C1orf94: variants seen among roughly 807,000 people sequenced by gnomAD.
C1orf94 encodes the protein chromosome 1 open reading frame 94, also known as uncharacterized protein C1orf94.
A neutral mutation model predicts 53.6 loss-of-function variants in C1orf94; 45 were observed. That is an observed-to-expected ratio of 0.84 (90% CI 0.66 to 1.08). The LOEUF (loss-of-function observed/expected upper bound fraction) is 1.08, where lower values mean the gene tolerates loss of function less well. Among genes scored for constraint, C1orf94 ranks in the 50% least tolerant of loss-of-function variants. The pLI, the probability that C1orf94 is intolerant of heterozygous loss-of-function variation, is 0.00. For missense variants in C1orf94, 762 were observed against 738.9 expected, an observed-to-expected ratio of 1.03 and a Z score of -0.36; for synonymous variants, 304 against 296.1, an observed-to-expected ratio of 1.03 and a Z score of -0.27.
At chr1:34,196,750 G>A (rs935301333) in intron 1 of C1orf94, among the ~76,000 whole-genome samples, 1 of 152,294 alleles carries the variant, frequency 6.6e-6, no homozygotes, top group Non-Finnish European at 1.5e-5. Context: ...TCTGCAGTGA[G>A]GTGATGGGGG....
intron 1 of C1orf94, among the ~76,000 whole-genome samples, chr1:34,181,369 C>A (rs1288311675): frequency 6.6e-6 from 1 of 152,188 alleles, no homozygotes; most frequent in Non-Finnish European, 1.5e-5. Flanking sequence ...CCAATCCATG[C>A]AGATTTGATC....
intron 4 of C1orf94, among the ~76,000 whole-genome samples, chr1:34,203,954 C>T (rs550549648): frequency 4.1e-4 from 63 of 152,310 alleles, no homozygotes; most frequent in Non-Finnish European, 7.8e-4. Flanking sequence ...AGATTTCTGT[C>T]TTCTGTTCCT....
rs1007370319 is a variant in C1orf94, at chr1:34,168,939, G to T, written c.-251+1768G>T. 2.6e-5 allele frequency among the ~76,000 whole-genome samples: 4 copies of T among 152,358 alleles called. No homozygotes were observed. The South Asian group carries it at 6.2e-4, about 24-fold the overall frequency. ...TATAACAGGAGGAGATGACTTTTCA[G>T]ATGGAGGGAGGAGAGAGATGCTTGA... is the stretch of plus-strand genomic sequence containing the variant. On this transcript the variant is annotated intron_variant, in intron 1 of 6. Coordinates refer to the C1orf94 transcript ENST00000373374.
At chr1:34,169,047 G>C (rs1642096135) in intron 1 of C1orf94, among the ~76,000 whole-genome samples, 1 of 152,180 alleles carries the variant, frequency 6.6e-6, no homozygotes, top group South Asian at 2.1e-4. Flanking sequence ...AAAGTAGACA[G>C]CTCTGAATAT....
chr1:34,187,362 C>CCCTTCCA (rs1642399374), intron 1 of C1orf94, among the ~76,000 whole-genome samples: 1 of 152,104 alleles, frequency 6.6e-6, no homozygotes, highest in East Asian at 1.9e-4. Flanking sequence ...TTCCGAATAG[C>CCCTTCCA]CCTTCCACGT....
chr1:34,193,606 G>A (rs1279987729), intron 1 of C1orf94, among the ~76,000 whole-genome samples: 1 of 152,220 alleles, frequency 6.6e-6, no homozygotes, highest in African/African-American at 2.4e-5. Flanking sequence ...ACCCAGCCAA[G>A]TCCCTACATC....
intron 1 of C1orf94, among the ~76,000 whole-genome samples, chr1:34,190,804 G>T (rs1642469455): frequency 6.6e-6 from 1 of 152,152 alleles, no homozygotes; most frequent in African/African-American, 2.4e-5. Context: ...GAAAATTGGG[G>T]TGACTGTACC....
intron 5 of C1orf94, among the ~76,000 whole-genome samples, chr1:34,211,433 C>T (rs967028930): frequency 1.1e-4 from 17 of 152,048 alleles, no homozygotes; most frequent in African/African-American, 3.6e-4. Context: ...AGTTCTAGGT[C>T]GGAGTTCATC....
intron 1 of C1orf94, among the ~76,000 whole-genome samples, chr1:34,181,791 T>C (rs1642315250): frequency 1.3e-5 from 2 of 152,156 alleles, no homozygotes; most frequent in Non-Finnish European, 2.9e-5. Flanking sequence ...GCTCCTTTAG[T>C]CTGGGTGTCA....
intron 6 of C1orf94, among the ~76,000 whole-genome samples, chr1:34,217,545 A>G (rs750061691): frequency 6.6e-6 from 1 of 152,146 alleles, no homozygotes; most frequent in Non-Finnish European, 1.5e-5. Flanking sequence ...CTTATGAGGG[A>G]CCCACATTGT....
chr1:34,170,118 A>G (rs1051090900), intron 1 of C1orf94, among the ~76,000 whole-genome samples: 1 of 152,238 alleles, frequency 6.6e-6, no homozygotes, highest in African/African-American at 2.4e-5. Context: ...AGCTAGCAAT[A>G]CTTTTATGCA....
intron 1 of C1orf94, among the ~76,000 whole-genome samples, chr1:34,182,109 A>G (rs1642318810): frequency 6.6e-6 from 1 of 152,188 alleles, no homozygotes; most frequent in Admixed American, 6.5e-5. Context: ...CGAAAGGAAC[A>G]CTTGAGCTCA....
chr1:34,190,776 C>T (rs1642468810), intron 1 of C1orf94, among the ~76,000 whole-genome samples: 1 of 152,114 alleles, frequency 6.6e-6, no homozygotes, highest in African/African-American at 2.4e-5. Flanking sequence ...CTTCTCTGTC[C>T]CTTGGCTTCT....
intron 1 of C1orf94, among the ~76,000 whole-genome samples, chr1:34,195,295 G>A (rs144913766): frequency 2.0e-4 from 31 of 152,248 alleles, no homozygotes; most frequent in Admixed American, 3.9e-4. Context: ...CTCGCCCAAT[G>A]CTCCCAACCA....
intron 1 of C1orf94, 68 bp downstream of exon 1, chr1:34,178,177 A>T: frequency 6.8e-6 from 10 of 1,471,614 alleles, no homozygotes; most frequent in Non-Finnish European, 9.2e-6. Context: ...CTTCTGGGGG[A>T]ATGTTCTGGC....
chr1:34,176,423 T>C (rs896341404), upstream of C1orf94, among the ~76,000 whole-genome samples: 5 of 152,162 alleles, frequency 3.3e-5, no homozygotes, highest in African/African-American at 9.6e-5. Flanking sequence ...TAGGGGCCTG[T>C]TGATCAGCAA....
At chr1:34,180,683 G>C (rs998685209) in intron 1 of C1orf94, among the ~76,000 whole-genome samples, 2 of 152,234 alleles carry the variant, frequency 1.3e-5, no homozygotes, top group African/African-American at 2.4e-5. Flanking sequence ...ATCACACACA[G>C]AGTGAAAAGC....
chr1:34,214,597 C>T (rs1642952556), intron 6 of C1orf94, among the ~76,000 whole-genome samples: 1 of 152,150 alleles, frequency 6.6e-6, no homozygotes, highest in Non-Finnish European at 1.5e-5. Context: ...GATAGACTTG[C>T]TGTAGGAGAT....
Position 34,179,184 on chromosome 1 carries a change from C to G in C1orf94, c.320+1075C>G, listed in dbSNP as rs990839204. Among the ~76,000 whole-genome samples the G allele has an allele frequency of 5.9e-5, 9 of 152,260 alleles. 1 individual carries two copies. The highest frequency in any genetic ancestry group is 2.1e-4 in the South Asian group (1 of 4,834). The stretch of plus-strand genomic sequence containing the variant: ...ACTACCTGCTGTCCCTCTGTGGGCT[C>G]ATTTACTTACTGCAGATGAAGGTGG... On this transcript the variant is annotated intron_variant, in intron 1 of 6. Transcript: ENST00000488417.
Sources: allele counts gnomAD v4.1 joint callset (sites outside exome capture counted in the v4.1 genomes callset), GRCh38; gene constraint gnomAD v4.1.1; transcripts MANE v1.5; gene names NCBI Gene and HGNC (gene_info 2026-07-23, HGNC 2026-07-21).